CDYL: variants seen among roughly 807,000 people sequenced by gnomAD.
CDYL encodes the protein chromodomain Y-like protein.
Under a neutral mutation model 47.3 loss-of-function variants are expected in CDYL, and 8 were observed. The ratio of observed to expected loss-of-function variants is 0.17; its 90% confidence interval spans 0.10 to 0.31. The LOEUF is 0.31. Among genes scored for constraint, CDYL ranks in the 10% least tolerant of loss-of-function variants. The pLI is 1.00. For missense variants in CDYL, 471 were observed against 701.4 expected (o/e 0.67, Z 3.71); for synonymous variants, 266 against 265.0 (o/e 1.00, Z -0.04).
intron 1 of CDYL, among the ~76,000 whole-genome samples, chr6:4,789,971 G>A (rs146276595): frequency 4.2e-4 from 64 of 152,216 alleles, no homozygotes; most frequent in Non-Finnish European, 7.6e-4. Flanking sequence ...CTTCCCTGTG[G>A]GTTATTTGTC....
At chr6:4,846,619 TAAC>T (rs1760667476) in intron 1 of CDYL, among the ~76,000 whole-genome samples, 1 of 152,164 alleles carries the variant, frequency 6.6e-6, no homozygotes, top group Non-Finnish European at 1.5e-5. Flanking sequence ...CTTTCAGAGT[TAAC>T]AACACATTGA....
intron 4 of CDYL, among the ~76,000 whole-genome samples, chr6:4,940,637 C>A (rs188924098): frequency 6.6e-6 from 1 of 152,356 alleles, no homozygotes; most frequent in African/African-American, 2.4e-5. Flanking sequence ...GAACAAAATT[C>A]TTTCAAGTTC....
chr6:4,876,135 G>A (rs894503117), intron 1 of CDYL, among the ~76,000 whole-genome samples: 1 of 152,050 alleles, frequency 6.6e-6, no homozygotes. Context: ...CACCCTTGTT[G>A]TTTGTTGTTG....
chr6:4,726,234 TA>T (rs1366757898), intron 2 of CDYL, among the ~76,000 whole-genome samples: 1 of 151,972 alleles, frequency 6.6e-6, no homozygotes, highest in African/African-American at 2.4e-5. Context: ...CATTTGTCTC[TA>T]CAAGAAATAC....
chr6:4,823,430 A>G (rs1176700410), intron 1 of CDYL, among the ~76,000 whole-genome samples: 1 of 152,228 alleles, frequency 6.6e-6, no homozygotes, highest in African/African-American at 2.4e-5. Context: ...ATTGGCATTC[A>G]TGCATGCCTT....
chr6:4,825,848 CAAAAAAAA>C (rs34591908), intron 1 of CDYL, among the ~76,000 whole-genome samples: 1 of 98,848 alleles, frequency 1.0e-5, no homozygotes, highest in Non-Finnish European at 2.3e-5. Flanking sequence ...CCTAGAATGG[CAAAAAAAA>C]AAAAAAAAAA....
intron 1 of CDYL, among the ~76,000 whole-genome samples, chr6:4,807,191 T>A (rs571935199): frequency 2.4e-4 from 36 of 152,330 alleles, no homozygotes. Context: ...GAGGTTATAA[T>A]GGTTAGGGCT....
intron 1 of CDYL, among the ~76,000 whole-genome samples, chr6:4,842,047 TTA>T (rs1001329260): frequency 1.0e-3 from 152 of 144,908 alleles, no homozygotes; most frequent in Non-Finnish European, 1.9e-3. Context: ...TTTATATATA[TTA>T]TATTAATATT....
chr6:4,774,638 AT>A (rs1758390636), upstream of CDYL: 1 of 152,262 alleles, frequency 6.6e-6, no homozygotes, highest in African/African-American at 2.4e-5. Context: ...AATTCCATTC[AT>A]TGAACAACAC....
intron 2 of CDYL, among the ~76,000 whole-genome samples, chr6:4,923,953 G>T (rs1757794986): frequency 6.6e-6 from 1 of 151,400 alleles, no homozygotes; most frequent in Admixed American, 6.6e-5. Flanking sequence ...TCTCCAAGGA[G>T]CATTTTTTAG....
intron 1 of CDYL, among the ~76,000 whole-genome samples, chr6:4,839,975 G>A (rs2127458371): frequency 6.6e-6 from 1 of 152,176 alleles, no homozygotes; most frequent in Admixed American, 6.5e-5. Flanking sequence ...GTGTTTTGAT[G>A]GGAATTGCAT....
intron 3 of CDYL, among the ~76,000 whole-genome samples, chr6:4,750,855 CTTT>C (rs1445301601): frequency 2.2e-5 from 3 of 134,430 alleles, no homozygotes; most frequent in Non-Finnish European, 1.6e-5. Flanking sequence ...TTTTTCTTTT[CTTT>C]TTTTTTTTTT....
chr6:4,931,220 G>A (rs1210748493), intron 2 of CDYL, among the ~76,000 whole-genome samples: 1 of 152,258 alleles, frequency 6.6e-6, no homozygotes, highest in East Asian at 1.9e-4. Flanking sequence ...AGACAGGCGA[G>A]GACCCTGCTC....
chr6:4,940,562 C>T (rs1168999490), intron 4 of CDYL, among the ~76,000 whole-genome samples: 2 of 152,186 alleles, frequency 1.3e-5, no homozygotes, highest in South Asian at 2.1e-4. Flanking sequence ...GACTTTGTGA[C>T]GAGGATTCGT....
intron 1 of CDYL, among the ~76,000 whole-genome samples, chr6:4,862,662 A>G (rs1761205814): frequency 1.3e-5 from 2 of 152,234 alleles, no homozygotes; most frequent in Non-Finnish European, 2.9e-5. Flanking sequence ...CACATAAAAC[A>G]CTTTAGAACA....
At chr6:4,831,947 G>A (rs1490127959) in intron 1 of CDYL, among the ~76,000 whole-genome samples, 2 of 152,016 alleles carry the variant, frequency 1.3e-5, no homozygotes, top group African/African-American at 4.8e-5. Flanking sequence ...CTTTGCTGAA[G>A]TTGCTTATCA....
chr6:4,789,787 T>C (rs1291294807), intron 1 of CDYL, among the ~76,000 whole-genome samples: 1 of 152,210 alleles, frequency 6.6e-6, no homozygotes, highest in Non-Finnish European at 1.5e-5. Flanking sequence ...CACCTGCCCC[T>C]GGGTAGGGCC....
chr6:4,805,790 T>C (rs1759352041), intron 1 of CDYL, among the ~76,000 whole-genome samples: 1 of 152,238 alleles, frequency 6.6e-6, no homozygotes, highest in South Asian at 2.1e-4. Flanking sequence ...GATTGGATGA[T>C]GCCTAAGAGG....
At chr6:4,786,400 A>T (rs1758757976) in intron 1 of CDYL, among the ~76,000 whole-genome samples, 2 of 151,588 alleles carry the variant, frequency 1.3e-5, no homozygotes, top group African/African-American at 2.4e-5. Context: ...GTGTGTGTGT[A>T]CTCTGGCTTC....
Sources: allele counts gnomAD v4.1 joint callset (sites outside exome capture counted in the v4.1 genomes callset), GRCh38; gene constraint gnomAD v4.1.1; transcripts MANE v1.5; gene names NCBI Gene and HGNC (gene_info 2026-07-23, HGNC 2026-07-21).